UBE3A: variants seen among roughly 807,000 people sequenced by gnomAD.
UBE3A encodes the protein ubiquitin protein ligase E3A, also known as ubiquitin-protein ligase E3A.
In UBE3A, 6 loss-of-function variants were observed where a neutral mutation model predicts 83.4. That is an observed-to-expected ratio of 0.07 (90% CI 0.04 to 0.14). UBE3A has a LOEUF of 0.14. Ranked by LOEUF, UBE3A falls within the 10% of genes least tolerant of loss-of-function variation. UBE3A has a pLI of 1.00. For synonymous variants in UBE3A, 337 were observed against 355.4 expected (o/e 0.95, Z 0.58); for missense variants, 456 against 1,036.1 (o/e 0.44, Z 7.69).
chr15:25,410,239 A>G (rs933889203), intron 2 of UBE3A, among the ~76,000 whole-genome samples: 18 of 152,190 alleles, frequency 1.2e-4, no homozygotes, highest in African/African-American at 4.3e-4. Context: ...TAATTTCATG[A>G]AAAAGTATGG....
intron 4 of UBE3A, among the ~76,000 whole-genome samples, chr15:25,398,173 AAAAAAAAAAAAAAAAAAACACAAAAAAC>A (rs2086022509): frequency 6.7e-6 from 1 of 150,178 alleles, no homozygotes; most frequent in African/African-American, 2.4e-5. Flanking sequence ...GTCTCAAAAA[AAAAAAAAAAAAAAAAAAACACAAAAAAC>A]AAAAAAAAGG....
In UBE3A at chr15:25,336,992, A is replaced by T. The variant is rs2152499377; in HGVS notation, c.*2145T>A. ...TAGTAATGAAAAGGCAGCAAAAGTA[A>T]GAGGAGTGACAACATGCCCGGCATA... On this transcript the variant is annotated 3_prime_UTR_variant, in exon 13 of 13. Transcript: ENST00000648336. 1 of 152,288 alleles carries T rather than the reference A, an allele frequency of 6.6e-6. No homozygotes were observed. The highest frequency in any genetic ancestry group is 1.5e-5 in the Non-Finnish European group (1 of 68,010). 9.4% of individuals were successfully genotyped at this position (152,288 alleles called of 1,614,324 possible). A position where few individuals can be genotyped will look rare whatever the true frequency, so the allele number is the denominator to read the frequency against.
intron 1 of UBE3A, among the ~76,000 whole-genome samples, chr15:25,436,810 A>G (rs932971921): frequency 1.3e-5 from 2 of 152,182 alleles, no homozygotes; most frequent in African/African-American, 2.4e-5. Context: ...TAGCTTATAA[A>G]TCCTCTGAAA....
intron 1 of UBE3A, among the ~76,000 whole-genome samples, chr15:25,433,054 CAA>C (rs1215670775): frequency 6.6e-6 from 1 of 152,148 alleles, no homozygotes; most frequent in Admixed American, 6.5e-5. Flanking sequence ...CAGCAAATTA[CAA>C]AAGAGATTTG....
At chr15:25,380,564 G>A (rs2082008815) in intron 4 of UBE3A, among the ~76,000 whole-genome samples, 1 of 151,984 alleles carries the variant, frequency 6.6e-6, no homozygotes, top group South Asian at 2.1e-4. Flanking sequence ...AAGAGGAGAG[G>A]GGAAAAGGGA....
At chr15:25,434,613 T>C (rs986194481) in intron 1 of UBE3A, among the ~76,000 whole-genome samples, 1 of 152,216 alleles carries the variant, frequency 6.6e-6, no homozygotes, top group Non-Finnish European at 1.5e-5. Context: ...CTTCTATTAA[T>C]AGTGTACAAA....
intron 2 of UBE3A, chr15:25,409,422 T>C (rs2089443138): frequency 3.8e-6 from 1 of 259,962 alleles, no homozygotes; most frequent in African/African-American, 2.2e-5. Context: ...CCTTGTACTT[T>C]TATGTAATGT....
chr15:25,370,439 G>A lies in UBE3A; in HGVS notation c.1608+127C>T. ...CAACAAAAGTATAATACTTATATAA[G>A]ATCAGAAATGTCCATGTGTTCCTAT... On this transcript the variant is annotated intron_variant, in intron 6 of 12. Transcript: ENST00000648336. This position sits in a 1 kb window ranked among gnomAD's most constrained non-coding sequence, Gnocchi z 4.2. The A allele has an allele frequency of 1.8e-6, 2 of 1,115,872 alleles. No individual in the cohort carries two copies. The highest frequency in any genetic ancestry group is 2.7e-6 in the Non-Finnish European group (2 of 736,464). 69.1% of individuals were successfully genotyped at this position (1,115,872 alleles called of 1,614,324 possible).
At chr15:25,340,857 A>AATT (rs1289869146) in intron 11 of UBE3A, among the ~76,000 whole-genome samples, 5 of 152,186 alleles carry the variant, frequency 3.3e-5, no homozygotes, top group African/African-American at 1.2e-4. Context: ...GGAGGAGGAG[A>AATT]ATTATTCTGA....
intron 4 of UBE3A, among the ~76,000 whole-genome samples, chr15:25,377,139 C>G (rs938015743): frequency 6.6e-6 from 1 of 152,098 alleles, no homozygotes; most frequent in Non-Finnish European, 1.5e-5. Flanking sequence ...ATGACCAATG[C>G]CAGAGTTTAC....
chr15:25,381,908 T>A (rs1380492845), intron 4 of UBE3A, among the ~76,000 whole-genome samples: 2 of 152,238 alleles, frequency 1.3e-5, no homozygotes, highest in Non-Finnish European at 1.5e-5. Flanking sequence ...AACTCATTAG[T>A]ACCATGAACC....
intron 4 of UBE3A, among the ~76,000 whole-genome samples, chr15:25,401,482 A>C (rs1004423760): frequency 7.9e-5 from 12 of 152,200 alleles, no homozygotes; most frequent in African/African-American, 2.9e-4. Flanking sequence ...AATCCTTGTC[A>C]CTGGACTGTT....
At chr15:25,401,751 C>T (rs1030396633) in intron 4 of UBE3A, among the ~76,000 whole-genome samples, 13 of 151,768 alleles carry the variant, frequency 8.6e-5, no homozygotes, top group African/African-American at 3.1e-4. Context: ...TTTTTTTTAT[C>T]TTGAGTCATC....
chr15:25,337,192 T>C lies in UBE3A; in HGVS notation c.*1945A>G, dbSNP rs1268214252. On this transcript the variant is annotated 3_prime_UTR_variant, in exon 13 of 13. Transcript: ENST00000648336. ...TGTCATATGGATACGTTATTACAAT[T>C]GTAGAACTTTAATAAATACCATAAT... The C allele has an allele frequency of 6.6e-6, 1 of 152,200 alleles. No homozygotes were observed. Among genetic ancestry groups the C allele is most frequent in the African/African-American group, 2.4e-5 (1 of 41,454 alleles). 9.4% of individuals were successfully genotyped at this position (152,200 alleles called of 1,614,324 possible).
At chr15:25,354,043 G>C in intron 11 of UBE3A, 1 of 416,688 alleles carries the variant, frequency 2.4e-6, no homozygotes, top group African/African-American at 2.0e-5. Flanking sequence ...TTGCAGACAT[G>C]GTAGCCTTAT....
At chr15:25,339,715 G>A (rs948007736) in intron 12 of UBE3A, 1 of 327,258 alleles carries the variant, frequency 3.1e-6, no homozygotes, top group East Asian at 8.0e-5. Context: ...ATATGACTAA[G>A]AAAATGATTT....
rs370902908 is a variant in UBE3A, at chr15:25,409,069, T to C, written c.20+19A>G. 3 of 1,582,088 alleles carry C rather than the reference T, an allele frequency of 1.9e-6. No homozygotes were observed. Among genetic ancestry groups the C allele is most frequent in the Non-Finnish European group, 2.6e-6 (3 of 1,161,926 alleles). On this transcript the variant is annotated intron_variant, in intron 3 of 12. Coordinates refer to ENST00000648336, the MANE Select transcript of UBE3A (RefSeq NM_130839.5). ...TACAATGACAGCCTTTTAAAGGCTG[T>C]AAAATAATTCAAAATTACCTTTTAC... is the stretch of plus-strand genomic sequence containing the variant.
chr15:25,430,583 C>A (rs1253803291), intron 1 of UBE3A, among the ~76,000 whole-genome samples: 2 of 151,606 alleles, frequency 1.3e-5, no homozygotes, highest in African/African-American at 4.8e-5. Flanking sequence ...CTAGTTCTGC[C>A]TATCACTATT....
In UBE3A at chr15:25,350,399, C is replaced by A. The variant is rs1204636715; in HGVS notation, c.2354+3954G>T. Among the ~76,000 whole-genome samples, 3 of 151,828 alleles carry A rather than the reference C, an allele frequency of 2.0e-5. No homozygotes were observed. In the East Asian group the frequency reaches 5.8e-4, roughly 29 times the overall value. ...AACCCTGAATTATTCATGGAATTTTCTACTTAATAAATATTTTTGGACCAC... is the reference window on the plus strand; with the variant it reads ...AACCCTGAATTATTCATGGAATTTTATACTTAATAAATATTTTTGGACCAC... On this transcript the variant is annotated intron_variant, in intron 11 of 12. Coordinates refer to ENST00000648336, the MANE Select transcript of UBE3A (RefSeq NM_130839.5).
Sources: allele counts gnomAD v4.1 joint callset (sites outside exome capture counted in the v4.1 genomes callset), GRCh38; gene constraint gnomAD v4.1.1; non-coding constraint Gnocchi (gnomAD v3.1); transcripts MANE v1.5; gene names NCBI Gene and HGNC (gene_info 2026-07-23, HGNC 2026-07-21).